MAOB: variants seen among roughly 807,000 people sequenced by gnomAD.
MAOB encodes amine oxidase [flavin-containing] B.
Under a neutral mutation model 41.9 loss-of-function variants are expected in MAOB, and 15 were observed. That is an observed-to-expected ratio of 0.36 (90% CI 0.24 to 0.55). The LOEUF is 0.55. Among genes scored for constraint, MAOB ranks in the 20% least tolerant of loss-of-function variants. MAOB has a pLI of 0.86. For missense variants in MAOB, 345 were observed against 398.7 expected, an observed-to-expected ratio of 0.87 and a Z score of 1.15; for synonymous variants, 167 against 144.2, an observed-to-expected ratio of 1.16 and a Z score of -1.13.
rs374983426 is a variant in MAOB, at chrX:43,769,343, C to T, written c.1311G>A (p.Glu437=). 41 of 1,206,763 alleles carry T rather than the reference C, an allele frequency of 3.4e-5. No homozygotes were observed. Among genetic ancestry groups the T allele is most frequent in the Non-Finnish European group, 2.8e-5 (25 of 894,337 alleles). ...CTCTCTCCCCGGCCTCTACAGCCCC[C>T]TCCATGTAGCCGCTCCAGTGTGTGG... ...ETATHWSGYM[E]GAVEAGERAA... The change falls in exon 13 of 15, where the codon GAG becomes GAA. Residue 437 remains glutamate, a synonymous_variant. Coordinates refer to ENST00000378069, the MANE Select transcript of MAOB (RefSeq NM_000898.5).
rs912967681 is a variant in MAOB, at chrX:43,855,911, C to T, written c.47-12147G>A. On this transcript the variant is annotated intron_variant, in intron 1 of 14. Transcript: ENST00000378069. Reference sequence around the variant, plus strand: ...AATTCTCCCTGCTTTAGTCTACAGTCGGTGTCTCTGGCAGCAGCCTAAATC... The same window carrying T: ...AATTCTCCCTGCTTTAGTCTACAGTTGGTGTCTCTGGCAGCAGCCTAAATC... 1.7e-4 allele frequency among the ~76,000 whole-genome samples: 19 copies of T among 111,443 alleles called. No individual in the cohort carries two copies. In the East Asian group the frequency reaches 4.0e-3, roughly 23 times the overall value.
intron 3 of MAOB, among the ~76,000 whole-genome samples, chrX:43,823,165 C>CTTTT (rs1181398583): frequency 2.7e-4 from 16 of 60,102 alleles, no homozygotes; most frequent in Admixed American, 4.4e-4. Context: ...AACAGATGGT[C>CTTTT]TTTTTTTTTT....
At chrX:43,830,276 T>A (rs777125917) in intron 3 of MAOB, among the ~76,000 whole-genome samples, 1 of 111,151 alleles carries the variant, frequency 9.0e-6, no homozygotes, top group African/African-American at 3.3e-5. Flanking sequence ...GACTAGTAAA[T>A]CCTGAGATGC....
intron 1 of MAOB, among the ~76,000 whole-genome samples, chrX:43,866,037 C>T (rs1296949220): frequency 2.7e-5 from 3 of 110,573 alleles, no homozygotes; most frequent in East Asian, 5.7e-4. Flanking sequence ...GGAAGAGCCA[C>T]GGGAAACAAG....
chrX:43,838,857 C>A lies in MAOB; in HGVS notation c.279+11G>T. On this transcript the variant is annotated intron_variant, in intron 3 of 14. Transcript: ENST00000378069. ...AGTTTTCAAATCCTTCAAAGTCTGGCCTGATCTTACCTTTACATGGTGGAT... is the reference window on the plus strand; with the variant it reads ...AGTTTTCAAATCCTTCAAAGTCTGGACTGATCTTACCTTTACATGGTGGAT... The A allele has an allele frequency of 8.5e-7, 1 of 1,181,282 alleles. No homozygotes were observed. Among genetic ancestry groups the A allele is most frequent in the South Asian group, 2.0e-5 (1 of 50,335 alleles).
At chrX:43,850,687 G>C (rs1267548251) in intron 1 of MAOB, among the ~76,000 whole-genome samples, 7 of 112,089 alleles carry the variant, frequency 6.2e-5, no homozygotes, top group Non-Finnish European at 1.1e-4. Context: ...GATAACCTTT[G>C]CTCTCTTTCC....
At chrX:43,791,015 G>A (rs190799361) in intron 8 of MAOB, among the ~76,000 whole-genome samples, 1 of 111,742 alleles carries the variant, frequency 8.9e-6, no homozygotes, top group Admixed American at 9.5e-5. Context: ...TTTAAAATGG[G>A]TGGCCTGGGT....
intron 1 of MAOB, among the ~76,000 whole-genome samples, chrX:43,865,972 G>A (rs1015789985): frequency 1.8e-5 from 2 of 110,776 alleles, no homozygotes; most frequent in Admixed American, 1.9e-4. Flanking sequence ...ACAAAGGCCA[G>A]AGGTTGCAGA....
At chrX:43,794,671 T>A (rs374067325) in intron 7 of MAOB, among the ~76,000 whole-genome samples, 2 of 110,640 alleles carry the variant, frequency 1.8e-5, no homozygotes, top group South Asian at 4.0e-4. Flanking sequence ...AATACCTTTA[T>A]AAGTTTTTAT....
chrX:43,841,090 T>C (rs1024940563), intron 2 of MAOB, among the ~76,000 whole-genome samples: 5 of 110,994 alleles, frequency 4.5e-5, no homozygotes, highest in African/African-American at 9.9e-5. Context: ...ATATATATCA[T>C]TGATGAATCC....
intron 1 of MAOB, among the ~76,000 whole-genome samples, chrX:43,870,482 G>A (rs769977242): frequency 4.9e-4 from 54 of 111,172 alleles, no homozygotes; most frequent in Non-Finnish European, 8.1e-4. Flanking sequence ...AGGCCCTACC[G>A]GCCTCTTGCA....
intron 5 of MAOB, among the ~76,000 whole-genome samples, chrX:43,799,727 T>C (rs899084010): frequency 9.0e-6 from 1 of 111,481 alleles, no homozygotes; most frequent in African/African-American, 3.3e-5. Flanking sequence ...ATAAATGTTA[T>C]AATATTTTTC....
chrX:43,882,078 C>T (rs750204526), intron 1 of MAOB, among the ~76,000 whole-genome samples, 176 bp downstream of exon 1: 2 of 112,144 alleles, frequency 1.8e-5, no homozygotes, highest in South Asian at 7.4e-4. Context: ...CCCAAAATTG[C>T]CCCCAAAGGA....
intron 1 of MAOB, among the ~76,000 whole-genome samples, chrX:43,846,222 C>T (rs2035201253): frequency 8.9e-6 from 1 of 112,310 alleles, no homozygotes; most frequent in East Asian, 2.8e-4. Flanking sequence ...CATGCTGAGG[C>T]TTAAACAAAA....
chrX:43,843,662 T>C lies in MAOB; in HGVS notation c.141+8A>G, dbSNP rs1247069748. 7.5e-6 allele frequency: 9 copies of C among 1,203,278 alleles called. No homozygotes were observed. The South Asian group carries it at 1.6e-4, about 22-fold the overall frequency. ...CCACATTTGTCCTCCGGATTCTTAA[T>C]GCCTTACCCTAAGAGTGTAAGTCCT... On this transcript the variant is annotated splice_region_variant and intron_variant, in intron 2 of 14. Coordinates refer to ENST00000378069, the MANE Select transcript of MAOB (RefSeq NM_000898.5).
intron 1 of MAOB, among the ~76,000 whole-genome samples, chrX:43,847,711 C>A (rs2035217747): frequency 8.9e-6 from 1 of 112,356 alleles, no homozygotes; most frequent in Non-Finnish European, 1.9e-5. Context: ...ATCTTAAATA[C>A]CAGCTTTTCT....
At chrX:43,853,316 A>C (rs1482091283) in intron 1 of MAOB, among the ~76,000 whole-genome samples, 2 of 106,346 alleles carry the variant, frequency 1.9e-5, no homozygotes, top group Non-Finnish European at 3.9e-5. Context: ...AATGAGAAGG[A>C]AAAGGACAGG....
intron 3 of MAOB, among the ~76,000 whole-genome samples, chrX:43,813,704 T>A (rs1304333281): frequency 9.0e-6 from 1 of 111,020 alleles, no homozygotes; most frequent in Non-Finnish European, 1.9e-5. Flanking sequence ...GTCACATCAG[T>A]TCATTCATTC....
At chrX:43,807,325 G>T (rs1366925989) in intron 3 of MAOB, among the ~76,000 whole-genome samples, 1 of 111,981 alleles carries the variant, frequency 8.9e-6, no homozygotes, top group Non-Finnish European at 1.9e-5. Context: ...CCAGGCCCCA[G>T]ATATCAGTCT....
Sources: gnomAD v4.1 joint callset for allele counts (sites outside exome capture counted in the v4.1 genomes callset) on GRCh38, gnomAD v4.1.1 for gene constraint, MANE v1.5 for transcripts, NCBI Gene and HGNC (gene_info 2026-07-23, HGNC 2026-07-21) for gene names.